The following ST6GALNAC3 variants were observed in gnomAD, a reference collection of about 807,000 sequenced individuals.
ST6GALNAC3 encodes ST6 N-acetylgalactosaminide alpha-2,6-sialyltransferase 3, also known as alpha-N-acetylgalactosaminide alpha-2,6-sialyltransferase 3.
ST6GALNAC3 carries 25 observed loss-of-function variants against 32.7 expected under a neutral mutation model. That is an observed-to-expected ratio of 0.76 (90% confidence interval 0.56 to 1.07). The LOEUF (loss-of-function observed/expected upper bound fraction) is 1.07, where lower values mean the gene tolerates loss of function less well. Ranked by LOEUF, ST6GALNAC3 falls within the 50% of genes least tolerant of loss-of-function variation. The pLI, the probability that ST6GALNAC3 is intolerant of heterozygous loss-of-function variation, is 0.00. For synonymous variants in ST6GALNAC3, 129 were observed against 133.1 expected (o/e 0.97, Z 0.21); for missense variants, 355 against 382.4 (o/e 0.93, Z 0.60).
chr1:76,566,912 C>G (rs1217479956), intron 3 of ST6GALNAC3, among the ~76,000 whole-genome samples: 1 of 152,146 alleles, frequency 6.6e-6, no homozygotes, highest in Admixed American at 6.5e-5. Flanking sequence ...GGAAGTTTCT[C>G]CATTTTACCA....
intron 3 of ST6GALNAC3, among the ~76,000 whole-genome samples, chr1:76,565,294 G>C (rs151229870): frequency 2.0e-5 from 3 of 152,060 alleles, no homozygotes; most frequent in African/African-American, 7.2e-5. Context: ...CCACACAGGC[G>C]TTAAAGATTT....
At chr1:76,087,941 A>G (rs991682590) in intron 1 of ST6GALNAC3, among the ~76,000 whole-genome samples, 1 of 152,180 alleles carries the variant, frequency 6.6e-6, no homozygotes, top group Non-Finnish European at 1.5e-5. Context: ...TTAGAAATCT[A>G]TTTTATCTGA....
chr1:76,380,428 C>T (rs1651612144), intron 2 of ST6GALNAC3, among the ~76,000 whole-genome samples: 1 of 152,144 alleles, frequency 6.6e-6, no homozygotes, highest in South Asian at 2.1e-4. Flanking sequence ...TGAACATATG[C>T]ATATCCTACA....
At chr1:76,613,838 T>G (rs1648101264) in intron 3 of ST6GALNAC3, among the ~76,000 whole-genome samples, 2 of 152,208 alleles carry the variant, frequency 1.3e-5, no homozygotes, top group African/African-American at 2.4e-5. Context: ...CAACTAAACC[T>G]CTTTTCTTTG....
At chr1:76,605,459 C>T (rs1647465063) in intron 3 of ST6GALNAC3, among the ~76,000 whole-genome samples, 2 of 151,884 alleles carry the variant, frequency 1.3e-5, no homozygotes, top group South Asian at 4.2e-4. Flanking sequence ...AGACAACCTA[C>T]AAAATGGGAG....
intron 1 of ST6GALNAC3, among the ~76,000 whole-genome samples, chr1:76,148,748 C>G (rs1360027704): frequency 2.0e-5 from 3 of 152,202 alleles, no homozygotes; most frequent in East Asian, 1.9e-4. Context: ...TAACTTTTCT[C>G]TCTTTCAAAA....
At chr1:76,106,181 T>C (rs1173228618) in intron 1 of ST6GALNAC3, among the ~76,000 whole-genome samples, 1 of 152,272 alleles carries the variant, frequency 6.6e-6, no homozygotes, top group Non-Finnish European at 1.5e-5. Flanking sequence ...ATTTTTGTTG[T>C]TGTTATTATT....
intron 3 of ST6GALNAC3, among the ~76,000 whole-genome samples, chr1:76,527,857 G>T (rs557849993): frequency 6.6e-6 from 1 of 152,084 alleles, no homozygotes; most frequent in Non-Finnish European, 1.5e-5. Flanking sequence ...AAACTATAGG[G>T]AGGATAACGT....
At chr1:76,208,049 C>T (rs77604898) in intron 1 of ST6GALNAC3, among the ~76,000 whole-genome samples, 1 of 51,100 alleles carries the variant, frequency 2.0e-5, no homozygotes, top group South Asian at 1.7e-3. Context: ...GTGCCCCCCC[C>T]CCCAAAAAAT....
At chr1:76,225,931 A>G (rs1291829892) in intron 1 of ST6GALNAC3, among the ~76,000 whole-genome samples, 1 of 152,170 alleles carries the variant, frequency 6.6e-6, no homozygotes, top group Non-Finnish European at 1.5e-5. Context: ...CTGTCACCCA[A>G]AATACTACCA....
At chr1:76,441,810 A>G (rs1656628882) in intron 3 of ST6GALNAC3, among the ~76,000 whole-genome samples, 2 of 152,024 alleles carry the variant, frequency 1.3e-5, no homozygotes, top group African/African-American at 4.8e-5. Context: ...CCTGTCCTGC[A>G]CTGAGAGCAC....
rs528066436 is a variant in ST6GALNAC3 at position 76,595,234 on chromosome 1, A to G, written c.624-32218A>G. The stretch of plus-strand genomic sequence containing the variant: ...CCAACACAATCTGTGGGTAATTAAC[A>G]TTATTGTTCCTCCTTTCAGGGAGCA... On this transcript the variant is annotated intron_variant, in intron 3 of 4. Coordinates refer to ENST00000328299, the MANE Select transcript of ST6GALNAC3 (RefSeq NM_152996.4). Among the ~76,000 whole-genome samples, 23 of 152,230 alleles carry G rather than the reference A, an allele frequency of 1.5e-4. 1 individual carries two copies. The highest frequency in any genetic ancestry group is 8.3e-4 in the South Asian group (4 of 4,822).
intron 3 of ST6GALNAC3, among the ~76,000 whole-genome samples, chr1:76,425,343 A>T (rs1487085663): frequency 1.3e-5 from 2 of 151,988 alleles, no homozygotes; most frequent in African/African-American, 4.8e-5. Context: ...TTTCTCATAA[A>T]AGAGAAAACA....
chr1:76,240,144 G>A (rs1357781633), intron 1 of ST6GALNAC3, among the ~76,000 whole-genome samples: 2 of 152,282 alleles, frequency 1.3e-5, no homozygotes, highest in African/African-American at 4.8e-5. Flanking sequence ...ATAATACACA[G>A]TACAGTGTCT....
At chr1:76,118,844 G>T (rs551643769) in intron 1 of ST6GALNAC3, among the ~76,000 whole-genome samples, 1 of 151,970 alleles carries the variant, frequency 6.6e-6, no homozygotes, top group East Asian at 1.9e-4. Context: ...TCTTTTTGAG[G>T]TGGAGTCTCA....
At chr1:76,423,838 A>G (rs968442617) in intron 3 of ST6GALNAC3, among the ~76,000 whole-genome samples, 15 of 151,940 alleles carry the variant, frequency 9.9e-5, no homozygotes, top group African/African-American at 3.6e-4. Context: ...AGGGTAGTAG[A>G]GAGAGAAGGG....
At chr1:76,611,830 A>G (rs890920484) in intron 3 of ST6GALNAC3, among the ~76,000 whole-genome samples, 1 of 152,172 alleles carries the variant, frequency 6.6e-6, no homozygotes, top group Non-Finnish European at 1.5e-5. Flanking sequence ...ATCATTCCTT[A>G]CCCTTGATTA....
chr1:76,550,677 T>A (rs1162478031), intron 3 of ST6GALNAC3, among the ~76,000 whole-genome samples: 1 of 152,222 alleles, frequency 6.6e-6, no homozygotes, highest in Non-Finnish European at 1.5e-5. Flanking sequence ...TGTACCAGTT[T>A]CTTTTTTATC....
chr1:76,143,728 G>T (rs1029416044), intron 1 of ST6GALNAC3, among the ~76,000 whole-genome samples: 2 of 151,992 alleles, frequency 1.3e-5, no homozygotes, highest in Admixed American at 1.3e-4. Flanking sequence ...TAGCAGTGTC[G>T]CACCAAGCAG....
Sources: gnomAD v4.1 joint callset for allele counts (sites outside exome capture counted in the v4.1 genomes callset) on GRCh38, gnomAD v4.1.1 for gene constraint, MANE v1.5 for transcripts, NCBI Gene and HGNC (gene_info 2026-07-23, HGNC 2026-07-21) for gene names.